The following DAB1 variants were observed in gnomAD, a reference collection of about 807,000 sequenced individuals.
DAB1 encodes disabled homolog 1.
A neutral mutation model predicts 64.6 loss-of-function variants in DAB1; 15 were observed. The ratio of observed to expected loss-of-function variants is 0.23; its 90% CI spans 0.16 to 0.36. The LOEUF (loss-of-function observed/expected upper bound fraction) is 0.36, where lower values mean the gene tolerates loss of function less well. Among genes scored for constraint, DAB1 ranks in the 10% least tolerant of loss-of-function variants. DAB1 has a pLI of 1.00. For missense variants in DAB1, 596 were observed against 706.7 expected (o/e 0.84, Z 1.78); for synonymous variants, 235 against 251.9 (o/e 0.93, Z 0.64).
intron 2 of DAB1, among the ~76,000 whole-genome samples, chr1:57,189,649 C>T (rs57319955): frequency 0.038 from 5,796 of 152,086 alleles, 389 homozygotes; most frequent in Admixed American, 0.18. Flanking sequence ...TACAAAGTTG[C>T]CAGCACATTG....
chr1:57,591,652 A>C (rs1255700432), intron 7 of DAB1, among the ~76,000 whole-genome samples: 1 of 152,244 alleles, frequency 6.6e-6, no homozygotes, highest in Non-Finnish European at 1.5e-5. Flanking sequence ...GGGGTTGATA[A>C]TATCTACTTC....
intron 5 of DAB1, among the ~76,000 whole-genome samples, chr1:58,073,041 T>C (rs1034512872): frequency 6.6e-6 from 1 of 152,206 alleles, no homozygotes; most frequent in Non-Finnish European, 1.5e-5. Context: ...ATTTGTATTA[T>C]TATAGCTATT....
At chr1:58,174,464 C>T (rs1408966393) in intron 4 of DAB1, among the ~76,000 whole-genome samples, 1 of 152,198 alleles carries the variant, frequency 6.6e-6, no homozygotes, top group African/African-American at 2.4e-5. Flanking sequence ...TGCTGGCCCT[C>T]TGACTGACCT....
intron 6 of DAB1, among the ~76,000 whole-genome samples, chr1:57,727,738 T>TTCCTTCCTTCCTTCCTTCCTTCCG (rs2101768222): frequency 6.6e-6 from 1 of 151,358 alleles, no homozygotes; most frequent in South Asian, 2.1e-4. Flanking sequence ...CCTTCCTTCC[T>TTCCTTCCTTCCTTCCTTCCTTCCG]TCCTTCCTTC....
intron 4 of DAB1, among the ~76,000 whole-genome samples, chr1:58,275,213 A>T (rs1288115780): frequency 2.0e-5 from 3 of 152,232 alleles, no homozygotes; most frequent in Non-Finnish European, 4.4e-5. Flanking sequence ...TATAAGACCT[A>T]AAACTATAAA....
chr1:57,313,598 C>T (rs1375429069), intron 1 of DAB1, among the ~76,000 whole-genome samples: 15 of 152,206 alleles, frequency 9.9e-5, no homozygotes, highest in Non-Finnish European at 2.2e-4. Context: ...TGGCACCTGC[C>T]ACTCAAGATG....
At chr1:57,716,257 C>G (rs189957128) in intron 6 of DAB1, among the ~76,000 whole-genome samples, 3 of 152,066 alleles carry the variant, frequency 2.0e-5, no homozygotes, top group Non-Finnish European at 4.4e-5. Flanking sequence ...AAAATTCATG[C>G]GAAAATGCAA....
At chr1:58,534,438 A>G in intron 1 of DAB1, 1 of 586,124 alleles carries the variant, frequency 1.7e-6, no homozygotes, top group Non-Finnish European at 3.0e-6. Context: ...TTAAGTTTTA[A>G]TTATATAAAA....
chr1:57,034,203 C>T lies in DAB1; in HGVS notation c.724-8160G>A, dbSNP rs1181332195. On this transcript the variant is annotated intron_variant, in intron 9 of 14. Transcript: ENST00000371236. Reference sequence around the variant, plus strand: ...GCTGAGGCAGGAGAATCACTTGAATCCAGGAGGCGGAGGTTGCAGTGAGCC... The same window carrying T: ...GCTGAGGCAGGAGAATCACTTGAATTCAGGAGGCGGAGGTTGCAGTGAGCC... Among the ~76,000 whole-genome samples, 8 of 148,052 alleles carry T rather than the reference C, an allele frequency of 5.4e-5. No homozygotes were observed. In the Admixed American group the frequency reaches 5.6e-4, roughly 10 times the overall value.
At chr1:58,527,221 G>A (rs772217197) in intron 2 of DAB1, 3 of 858,454 alleles carry the variant, frequency 3.5e-6, no homozygotes, top group Admixed American at 1.7e-5. Flanking sequence ...CTTTCAGCCT[G>A]GGAAGGGCAT....
At chr1:57,753,283 G>A (rs1431170909) in intron 6 of DAB1, among the ~76,000 whole-genome samples, 3 of 152,160 alleles carry the variant, frequency 2.0e-5, no homozygotes, top group Non-Finnish European at 4.4e-5. Context: ...ATGGGTGGTT[G>A]GAAATGTACC....
At chr1:57,896,336 T>A (rs933952882) in intron 5 of DAB1, among the ~76,000 whole-genome samples, 2 of 152,092 alleles carry the variant, frequency 1.3e-5, no homozygotes, top group African/African-American at 4.8e-5. Flanking sequence ...CTTATTACTA[T>A]TATTATTACT....
intron 1 of DAB1, among the ~76,000 whole-genome samples, chr1:57,406,703 C>T (rs12737593): frequency 0.014 from 2,137 of 152,306 alleles, 22 homozygotes; most frequent in African/African-American, 0.022. Flanking sequence ...TGCAAAGATG[C>T]CAGTGTCCAA....
intron 1 of DAB1, among the ~76,000 whole-genome samples, chr1:57,357,470 C>A (rs570621071): frequency 1.4e-5 from 2 of 144,278 alleles, no homozygotes; most frequent in African/African-American, 5.1e-5. Flanking sequence ...TCTTCAATTT[C>A]TTTTATCACT....
At chr1:57,600,002 C>T (rs1645557403) in intron 7 of DAB1, among the ~76,000 whole-genome samples, 1 of 152,156 alleles carries the variant, frequency 6.6e-6, no homozygotes, top group South Asian at 2.1e-4. Flanking sequence ...CTCTGGCCCT[C>T]TAAAGCTCAT....
At chr1:57,546,303 T>TA (rs1490198690) in intron 7 of DAB1, among the ~76,000 whole-genome samples, 4 of 152,268 alleles carry the variant, frequency 2.6e-5, no homozygotes, top group Non-Finnish European at 5.9e-5. Flanking sequence ...ACTAGCCACC[T>TA]AAAAAAATAT....
At chr1:57,918,595 C>T (rs1017946526) in intron 5 of DAB1, among the ~76,000 whole-genome samples, 3 of 152,040 alleles carry the variant, frequency 2.0e-5, no homozygotes, top group East Asian at 1.9e-4. Flanking sequence ...GAGGCCGGGG[C>T]GGGCAGATCA....
chr1:57,984,379 G>A (rs1646160587), intron 5 of DAB1, among the ~76,000 whole-genome samples: 1 of 152,108 alleles, frequency 6.6e-6, no homozygotes, highest in Non-Finnish European at 1.5e-5. Flanking sequence ...TGTGTTAAAT[G>A]CAAAACTCAC....
At chr1:57,122,590 T>G (rs1656759187) in intron 4 of DAB1, among the ~76,000 whole-genome samples, 2 of 152,180 alleles carry the variant, frequency 1.3e-5, no homozygotes. Context: ...ATAGAGATAC[T>G]GTAGGTGGAA....
Sources: allele counts gnomAD v4.1 joint callset (sites outside exome capture counted in the v4.1 genomes callset), GRCh38; gene constraint gnomAD v4.1.1; transcripts MANE v1.5; gene names NCBI Gene and HGNC (gene_info 2026-07-23, HGNC 2026-07-21).